Variants in UNC79 observed in about 807,000 individuals in gnomAD.
UNC79 encodes protein unc-79 homolog.
A neutral mutation model predicts 283.1 loss-of-function variants in UNC79; 37 were observed. The observed-to-expected ratio is 0.13, with a 90% CI of 0.10 to 0.17. UNC79 has a LOEUF of 0.17. Among genes scored for constraint, UNC79 ranks in the 10% least tolerant of loss-of-function variants. The probability of loss-of-function intolerance (pLI) is 1.00; values close to 1 mark genes in which losing one functional copy is unlikely to be tolerated. For synonymous variants in UNC79, 1,107 were observed against 1,200.2 expected (o/e 0.92, Z 1.61); for missense variants, 2,272 against 3,211.1 (o/e 0.71, Z 7.07).
At chr14:93,605,376 C>T (rs1290025989) in intron 26 of UNC79, among the ~76,000 whole-genome samples, 1 of 152,214 alleles carries the variant, frequency 6.6e-6, no homozygotes, top group Non-Finnish European at 1.5e-5. Flanking sequence ...ATCCGCTCAT[C>T]CCCTTAGCCA....
At chr14:93,588,361 T>C (rs4900189) in intron 22 of UNC79, among the ~76,000 whole-genome samples, 95,368 of 151,914 alleles carry the variant, frequency 0.63, 30,969 homozygotes, top group Non-Finnish European at 0.71. Flanking sequence ...GCAGAACTTT[T>C]TTCTGAAAGG....
intron 14 of UNC79, among the ~76,000 whole-genome samples, chr14:93,544,343 G>A (rs1456340631): frequency 6.6e-6 from 1 of 152,186 alleles, no homozygotes; most frequent in Non-Finnish European, 1.5e-5. Flanking sequence ...GAGAAGGTAT[G>A]GAAGGTTCCA....
intron 41 of UNC79, among the ~76,000 whole-genome samples, chr14:93,680,916 A>G (rs1372701387): frequency 6.6e-6 from 1 of 152,308 alleles, no homozygotes; most frequent in South Asian, 2.1e-4. Flanking sequence ...ACGTCTATCA[A>G]ATATTTCAGG....
intron 38 of UNC79, among the ~76,000 whole-genome samples, 178 bp downstream of exon 41, chr14:93,655,585 G>A (rs1282772789): frequency 1.3e-5 from 2 of 151,318 alleles, no homozygotes; most frequent in African/African-American, 4.9e-5. Flanking sequence ...GAGAATGACA[G>A]GAATGTGGAG....
chr14:93,375,172 C>T (rs761933358), intron 1 of UNC79, among the ~76,000 whole-genome samples: 1 of 152,040 alleles, frequency 6.6e-6, no homozygotes, highest in Non-Finnish European at 1.5e-5. Flanking sequence ...CAGTTGAGTC[C>T]AGGAGTTAAA....
At chr14:93,627,611 A>G (rs1475385087) in intron 30 of UNC79, among the ~76,000 whole-genome samples, 1 of 152,172 alleles carries the variant, frequency 6.6e-6, no homozygotes, top group Non-Finnish European at 1.5e-5. Flanking sequence ...GCCTCTGGCC[A>G]TGTTATTCTT....
intron 1 of UNC79, among the ~76,000 whole-genome samples, chr14:93,395,278 T>A (rs2054971070): frequency 6.6e-6 from 1 of 152,188 alleles, no homozygotes; most frequent in African/African-American, 2.4e-5. Flanking sequence ...GTTGTATTAG[T>A]TTGTTCTCAG....
intron 34 of UNC79, among the ~76,000 whole-genome samples, chr14:93,645,093 A>C (rs956395956): frequency 6.6e-6 from 1 of 152,208 alleles, no homozygotes; most frequent in Non-Finnish European, 1.5e-5. Context: ...CACAATTTCT[A>C]CTATCAATAC....
chr14:93,585,904 C>T (rs1260278442), intron 20 of UNC79, among the ~76,000 whole-genome samples: 1 of 135,918 alleles, frequency 7.4e-6, no homozygotes, highest in African/African-American at 2.8e-5. Context: ...TTTTTTGAGA[C>T]TGAGTCTTGC....
At chr14:93,673,232 C>A in intron 40 of UNC79, 119 bp from the exon 44 acceptor site, 1 of 803,780 alleles carries the variant, frequency 1.2e-6, no homozygotes, top group Non-Finnish European at 1.9e-6. Context: ...CTTCACTATG[C>A]ATTTTTGAAT....
chr14:93,659,407 A>G, intron 39 of UNC79, 146 bp downstream of exon 42: 1 of 636,192 alleles, frequency 1.6e-6, no homozygotes, highest in Non-Finnish European at 2.6e-6. Context: ...ATGCTAGGTC[A>G]GTGCCTTGTA....
intron 14 of UNC79, among the ~76,000 whole-genome samples, chr14:93,569,159 G>A (rs1595897455): frequency 6.6e-6 from 1 of 152,246 alleles, no homozygotes; most frequent in Non-Finnish European, 1.5e-5. Flanking sequence ...CTCTTGGCTG[G>A]GTGTGGTGGC....
At chr14:93,453,627 G>A (rs1159386278) in intron 1 of UNC79, among the ~76,000 whole-genome samples, 2 of 152,156 alleles carry the variant, frequency 1.3e-5, no homozygotes, top group African/African-American at 2.4e-5. Flanking sequence ...CTCATAAGTC[G>A]CTCTTTCAGT....
chr14:93,691,243 C>T (rs971381863), intron 45 of UNC79: 2 of 167,318 alleles, frequency 1.2e-5, no homozygotes, highest in Non-Finnish European at 2.6e-5. Flanking sequence ...GGCGCCATCT[C>T]TGGCGTGTTG....
At chr14:93,403,813 C>T (rs989509117) in intron 1 of UNC79, among the ~76,000 whole-genome samples, 6 of 150,410 alleles carry the variant, frequency 4.0e-5, no homozygotes, top group African/African-American at 1.5e-4. Flanking sequence ...ATAAAGGATC[C>T]CAGAAAACAA....
At chr14:93,603,355 G>T (rs150734169) in exon 26 of UNC79, 1 of 1,614,168 alleles carries the variant, frequency 6.2e-7, no homozygotes, top group Non-Finnish European at 8.5e-7. Flanking sequence ...GAGGGACAGC[G>T]TGAAAGGGCC....
At chr14:93,395,102 T>C (rs78007972) in intron 1 of UNC79, among the ~76,000 whole-genome samples, 5,358 of 152,320 alleles carry the variant, frequency 0.035, 334 homozygotes, top group African/African-American at 0.12. Flanking sequence ...TTACCTTTTC[T>C]GTGCTTTTTA....
At chr14:93,441,904 T>C (rs1252229816) in intron 1 of UNC79, among the ~76,000 whole-genome samples, 1 of 152,178 alleles carries the variant, frequency 6.6e-6, no homozygotes, top group Non-Finnish European at 1.5e-5. Flanking sequence ...CCATTTCTAA[T>C]AGATCCTTTA....
In UNC79 at chr14:93,351,403, T is replaced by C. The variant is rs545059863; in HGVS notation, c.-351+17880T>C. ...AACCTTTTAACATCTTTAATAAATATTCTTGAAATAAAAAATAAATAAATA... is the reference window on the plus strand; with the variant it reads ...AACCTTTTAACATCTTTAATAAATACTCTTGAAATAAAAAATAAATAAATA... On this transcript the variant is annotated intron_variant, in intron 1 of 49. Transcript: ENST00000256339. Among the ~76,000 whole-genome samples, 4 of 152,268 alleles carry C rather than the reference T, an allele frequency of 2.6e-5. No homozygotes were observed. The East Asian group carries it at 5.8e-4, about 22-fold the overall frequency.
Sources: allele counts gnomAD v4.1 joint callset (sites outside exome capture counted in the v4.1 genomes callset), GRCh38; gene constraint gnomAD v4.1.1; transcripts MANE v1.5; gene names NCBI Gene and HGNC (gene_info 2026-07-23, HGNC 2026-07-21).